CSE1L: variants seen among roughly 807,000 people sequenced by gnomAD.
CSE1L encodes exportin-2.
Under a neutral mutation model 120.4 loss-of-function variants are expected in CSE1L, and 24 were observed. That is an observed-to-expected ratio of 0.20 (90% confidence interval 0.14 to 0.28). The LOEUF is 0.28. CSE1L is among the 10% of genes least tolerant of loss of function. CSE1L has a pLI of 1.00. For synonymous variants in CSE1L, 402 were observed against 398.3 expected, an observed-to-expected ratio of 1.01 and a Z score of -0.11; for missense variants, 830 against 1,145.2, an observed-to-expected ratio of 0.72 and a Z score of 3.97.
At chr20:49,081,611 A>G (rs956438946) in intron 14 of CSE1L, among the ~76,000 whole-genome samples, 2 of 152,116 alleles carry the variant, frequency 1.3e-5, no homozygotes, top group African/African-American at 4.8e-5. Context: ...TTCCACTTGA[A>G]GGGTCCATTT....
chr20:49,059,737 GGGTGT>G (rs1243498671), intron 2 of CSE1L, among the ~76,000 whole-genome samples: 1 of 151,986 alleles, frequency 6.6e-6, no homozygotes, highest in Non-Finnish European at 1.5e-5. Context: ...AAACTTAGCT[GGGTGT>G]GGTGGCACAC....
chr20:49,073,129 A>T (rs2091944911), intron 10 of CSE1L, among the ~76,000 whole-genome samples: 1 of 151,782 alleles, frequency 6.6e-6, no homozygotes, highest in African/African-American at 2.4e-5. Flanking sequence ...CTCCTACCTC[A>T]GTCTTCTGAG....
Position 49,073,750 on chromosome 20 carries a change from T to G in CSE1L, c.1067-1035T>G, listed in dbSNP as rs149109590. ...ATCCTTCTGCCTCAGCCTCTCAAAG[T>G]GCTGGGATTACAGGCATGAGCCACC... On this transcript the variant is annotated intron_variant, in intron 10 of 24. Transcript: ENST00000262982. Among the ~76,000 whole-genome samples the G allele has an allele frequency of 2.3e-3, 352 of 152,262 alleles. 6 individuals carry two copies. In the East Asian group the frequency reaches 0.056, roughly 24 times the overall value.
chr20:49,095,218 A>G (rs1344806449), intron 24 of CSE1L: 1 of 578,436 alleles, frequency 1.7e-6, no homozygotes, highest in Non-Finnish European at 3.1e-6. Context: ...TAGAAATGTA[A>G]TAAGGCTGTA....
intron 1 of CSE1L, among the ~76,000 whole-genome samples, chr20:49,051,436 G>A (rs1436833213): frequency 1.3e-5 from 2 of 152,208 alleles, no homozygotes; most frequent in Admixed American, 1.3e-4. Flanking sequence ...CCAGCTACTT[G>A]GGAGGTTGAG....
chr20:49,061,162 TA>T (rs1252346152), intron 2 of CSE1L, among the ~76,000 whole-genome samples: 53 of 146,068 alleles, frequency 3.6e-4, no homozygotes, highest in African/African-American at 1.2e-3. Context: ...CCAACACTAT[TA>T]AAAATTTTTT....
chr20:49,077,974 A>G (rs1406629723), intron 13 of CSE1L, among the ~76,000 whole-genome samples: 3 of 152,158 alleles, frequency 2.0e-5, no homozygotes, highest in African/African-American at 7.2e-5. Context: ...ACTGCACTCT[A>G]GCCTGGGATA....
At chr20:49,066,321 C>A (rs2091892005) in intron 4 of CSE1L, 28 bp downstream of exon 4, 1 of 1,613,892 alleles carries the variant, frequency 6.2e-7, no homozygotes, top group African/African-American at 1.3e-5. Context: ...TTTAGATGGG[C>A]TCCTCTGTAA....
At chr20:49,072,165 C>A in intron 8 of CSE1L, 121 bp from the exon 9 acceptor site, 2 of 1,068,014 alleles carry the variant, frequency 1.9e-6, no homozygotes, top group Non-Finnish European at 2.7e-6. Flanking sequence ...CTGTAGTTTA[C>A]AATAACTGAT....
chr20:49,089,531 T>C lies in CSE1L; in HGVS notation c.1973-7T>C. ...GCTCACAGCTCTGTTTTTACTTTTA[T>C]CAACAGAATTTATTCCATACGTCTT... On this transcript the variant is annotated splice_polypyrimidine_tract_variant and splice_region_variant and intron_variant, in intron 18 of 24. Transcript: ENST00000262982. The C allele has an allele frequency of 1.9e-6, 3 of 1,613,706 alleles. No homozygotes were observed. The highest frequency in any genetic ancestry group is 1.7e-5 in the Admixed American group (1 of 60,008).
Position 49,062,911 on chromosome 20 carries a change from T to C in CSE1L, c.86-291T>C, listed in dbSNP as rs553132869. ...AAGTCTTGAAGCCACTTAATCTGCCTGGGAAGCAGCTTCTCTTGCAGATGA... is the reference window on the plus strand; with the variant it reads ...AAGTCTTGAAGCCACTTAATCTGCCCGGGAAGCAGCTTCTCTTGCAGATGA... On this transcript the variant is annotated intron_variant, in intron 2 of 24. Transcript: ENST00000262982. Among the ~76,000 whole-genome samples the C allele has an allele frequency of 3.3e-5, 5 of 152,092 alleles. No homozygotes were observed. In the South Asian group the frequency reaches 1.0e-3, roughly 32 times the overall value.
chr20:49,058,015 C>T (rs2123666447), intron 1 of CSE1L, among the ~76,000 whole-genome samples: 1 of 152,246 alleles, frequency 6.6e-6, no homozygotes, highest in South Asian at 2.1e-4. Context: ...AAGCAGTCCA[C>T]CCACCTCAGC....
chr20:49,090,277 G>A (rs6019630), intron 19 of CSE1L, among the ~76,000 whole-genome samples: 16,381 of 152,176 alleles, frequency 0.11, 1,251 homozygotes, highest in African/African-American at 0.22. Context: ...CTTAACTTTG[G>A]TCGGGCGTGG....
At chr20:49,080,758 G>A (rs1162450911) in intron 14 of CSE1L, among the ~76,000 whole-genome samples, 1 of 152,112 alleles carries the variant, frequency 6.6e-6, no homozygotes, top group Non-Finnish European at 1.5e-5. Flanking sequence ...TTACAGGCAT[G>A]AGCCACCGCG....
chr20:49,062,225 G>A (rs891873005), intron 2 of CSE1L, among the ~76,000 whole-genome samples: 1 of 152,142 alleles, frequency 6.6e-6, no homozygotes, highest in African/African-American at 2.4e-5. Flanking sequence ...ACATTTTTCA[G>A]TTTAACAATC....
At chr20:49,047,557 C>CTTTTTTTTTTTTTT (rs1568757216) in intron 1 of CSE1L, among the ~76,000 whole-genome samples, 1 of 98,294 alleles carries the variant, frequency 1.0e-5, no homozygotes, top group East Asian at 2.4e-4. Flanking sequence ...TTTTTCTTTT[C>CTTTTTTTTTTTTTT]TCTTTTCTTT....
chr20:49,073,822 G>A (rs922541608), intron 10 of CSE1L, among the ~76,000 whole-genome samples: 2 of 152,084 alleles, frequency 1.3e-5, no homozygotes, highest in African/African-American at 4.8e-5. Flanking sequence ...TATTAGATCA[G>A]TGGTTTTCAA....
intron 1 of CSE1L, among the ~76,000 whole-genome samples, chr20:49,051,244 A>G (rs978943966): frequency 6.6e-6 from 1 of 152,222 alleles, no homozygotes; most frequent in Admixed American, 6.5e-5. Flanking sequence ...AAAAGATGAC[A>G]TTTGAAAAGA....
At chr20:49,076,182 GTTGTTTTGTT>G (rs57034365) in intron 12 of CSE1L, among the ~76,000 whole-genome samples, 3 of 150,684 alleles carry the variant, frequency 2.0e-5, no homozygotes, top group South Asian at 2.1e-4. Context: ...TTTTGTTGTT[GTTGTTTTGTT>G]TTGTTTTGTT....
Sources: gnomAD v4.1 joint callset for allele counts (sites outside exome capture counted in the v4.1 genomes callset) on GRCh38, gnomAD v4.1.1 for gene constraint, MANE v1.5 for transcripts, NCBI Gene and HGNC (gene_info 2026-07-23, HGNC 2026-07-21) for gene names.